Variants in PCNX1 observed in about 807,000 individuals in gnomAD.
PCNX1 encodes the protein pecanex 1, also known as pecanex-like protein 1.
PCNX1 carries 78 observed loss-of-function variants against 242.2 expected under a neutral mutation model. That is an observed-to-expected ratio of 0.32 (90% CI 0.27 to 0.39). The LOEUF (loss-of-function observed/expected upper bound fraction) is 0.39. PCNX1 is among the 10% of genes least tolerant of loss of function. The pLI is 1.00. For missense variants in PCNX1, 2,581 were observed against 2,856.5 expected, an observed-to-expected ratio of 0.90 and a Z score of 2.20; for synonymous variants, 1,024 against 1,032.9, an observed-to-expected ratio of 0.99 and a Z score of 0.17.
chr14:71,054,151 C>T (rs767245592), intron 24 of PCNX1, among the ~76,000 whole-genome samples: 7 of 152,138 alleles, frequency 4.6e-5, no homozygotes, highest in Non-Finnish European at 8.8e-5. Context: ...TTCACTGAAA[C>T]CCAAGAAATG....
At chr14:70,986,888 TTAATA>T (rs1158961041) in intron 6 of PCNX1, among the ~76,000 whole-genome samples, 1 of 152,222 alleles carries the variant, frequency 6.6e-6, no homozygotes, top group Non-Finnish European at 1.5e-5. Flanking sequence ...ATAGAAATCT[TTAATA>T]TAATATTTCA....
chr14:70,908,144 T>A, intron 1 of PCNX1, 141 bp downstream of exon 1: 1 of 723,728 alleles, frequency 1.4e-6, no homozygotes, highest in Non-Finnish European at 2.1e-6. Context: ...CCGCCCCCAC[T>A]GCGTGCTCCC....
intron 1 of PCNX1, among the ~76,000 whole-genome samples, chr14:70,935,765 T>C (rs2056976927): frequency 6.6e-6 from 1 of 152,182 alleles, no homozygotes; most frequent in Non-Finnish European, 1.5e-5. Flanking sequence ...GAAAATGGAA[T>C]TGGCAGTGTG....
chr14:71,021,915 A>C (rs923325868), intron 12 of PCNX1, among the ~76,000 whole-genome samples: 1 of 152,080 alleles, frequency 6.6e-6, no homozygotes, highest in African/African-American at 2.4e-5. Context: ...GTTCCTTTCC[A>C]GTGAAGTCAT....
At chr14:71,020,893 G>C (rs1251972139) in intron 12 of PCNX1, among the ~76,000 whole-genome samples, 1 of 152,094 alleles carries the variant, frequency 6.6e-6, no homozygotes, top group Admixed American at 6.5e-5. Flanking sequence ...TATGGTTTTA[G>C]GTCTTACATT....
chr14:71,088,330 C>T lies in PCNX1; in HGVS notation c.5338C>T (p.Pro1780Ser). 1.3e-6 allele frequency: 2 copies of T among 1,588,168 alleles called. No homozygotes were observed. The highest frequency in any genetic ancestry group is 8.6e-7 in the Non-Finnish European group (1 of 1,159,066). ...ACTAATGTTTTTTGTTTTTTTAAAG[C>T]CTGTGGATGTGGACAAAGATTCATC... ...IEYCSSRRAK[P>S]VDVDKDSSLV... The change falls in exon 29 of 36, where the codon CCT (proline) becomes TCT (serine). Residue 1780 changes from proline to serine, a missense_variant and splice_region_variant. Pro to Ser is a moderately conservative substitution (Grantham distance 74). Transcript: ENST00000304743.
intron 13 of PCNX1, among the ~76,000 whole-genome samples, chr14:71,025,013 A>G (rs2060202750): frequency 6.6e-6 from 1 of 152,086 alleles, no homozygotes; most frequent in Admixed American, 6.6e-5. Context: ...TTCTCCATAA[A>G]TTTCTATCCG....
chr14:71,072,711 A>T (rs2061615387), intron 26 of PCNX1, among the ~76,000 whole-genome samples: 1 of 152,246 alleles, frequency 6.6e-6, no homozygotes, highest in Non-Finnish European at 1.5e-5. Context: ...ACATAATATA[A>T]GGAATTTACA....
At chr14:70,988,499 G>A (rs750674954) in intron 6 of PCNX1, 68 bp from the exon 7 acceptor site, 8 of 1,556,430 alleles carry the variant, frequency 5.1e-6, no homozygotes, top group African/African-American at 1.4e-5. Flanking sequence ...TCAAGGGAAA[G>A]CCAGGCTCAG....
intron 32 of PCNX1, 60 bp downstream of exon 32, chr14:71,103,729 A>C: frequency 3.3e-6 from 5 of 1,515,478 alleles, no homozygotes; most frequent in South Asian, 1.2e-5. Flanking sequence ...TAATCTAGGC[A>C]GTGTGCATCA....
At chr14:71,032,045 A>T in intron 16 of PCNX1, 1 of 765,552 alleles carries the variant, frequency 1.3e-6, no homozygotes, top group Non-Finnish European at 2.3e-6. Flanking sequence ...AAGAGTGGAA[A>T]GATTAATAGA....
intron 13 of PCNX1, 49 bp from the exon 14 acceptor site, chr14:71,026,068 G>C: frequency 7.9e-7 from 1 of 1,262,056 alleles, no homozygotes; most frequent in Non-Finnish European, 1.1e-6. Flanking sequence ...GTAGTTATTT[G>C]TGACTCTTAA....
chr14:70,953,203 C>T (rs148872859), intron 2 of PCNX1, among the ~76,000 whole-genome samples: 2,156 of 152,174 alleles, frequency 0.014, 21 homozygotes, highest in Non-Finnish European at 0.023. Flanking sequence ...CACTTGAGAC[C>T]AGGAGTTCAA....
At chr14:71,106,606 T>C (rs927250260) in intron 33 of PCNX1, among the ~76,000 whole-genome samples, 1 of 152,074 alleles carries the variant, frequency 6.6e-6, no homozygotes, top group Non-Finnish European at 1.5e-5. Context: ...CTTCCCAGCT[T>C]TGAAGATTGT....
At chr14:70,921,878 CCT>C (rs2056390921) in intron 1 of PCNX1, among the ~76,000 whole-genome samples, 1 of 152,094 alleles carries the variant, frequency 6.6e-6, no homozygotes, top group Non-Finnish European at 1.5e-5. Context: ...CACATCACCC[CCT>C]AAATGCTTCA....
chr14:71,027,555 C>A (rs1412793065), intron 15 of PCNX1, among the ~76,000 whole-genome samples: 1 of 151,706 alleles, frequency 6.6e-6, no homozygotes, highest in Non-Finnish European at 1.5e-5. Flanking sequence ...GATGAGTTTG[C>A]AACTAGAGAA....
In PCNX1 at chr14:71,013,656, CAT is replaced by C. The variant is rs199697958; in HGVS notation, c.2996+455_2996+456del. ...AGTAACAGGATTGGATTTATCATCT[CAT>C]GTGAAACAACCAAAAATAGACAAAG... On this transcript the variant is annotated intron_variant, in intron 11 of 35. Transcript: ENST00000304743. Among the ~76,000 whole-genome samples the C allele has an allele frequency of 8.9e-3, 1,352 of 152,182 alleles. 9 individuals carry two copies. Among genetic ancestry groups the C allele is most frequent in the South Asian group, 0.017 (82 of 4,802 alleles).
chr14:70,948,702 TAC>T (rs1016597438), intron 2 of PCNX1, among the ~76,000 whole-genome samples: 8 of 149,952 alleles, frequency 5.3e-5, no homozygotes, highest in East Asian at 3.9e-4. Flanking sequence ...CGTGTATATA[TAC>T]ACACATACAC....
At chr14:70,958,054 T>C (rs1005319491) in intron 2 of PCNX1, among the ~76,000 whole-genome samples, 1 of 152,204 alleles carries the variant, frequency 6.6e-6, no homozygotes, top group African/African-American at 2.4e-5. Flanking sequence ...TACTTAAAGT[T>C]TTTCCAATTT....
Sources: allele counts gnomAD v4.1 joint callset (sites outside exome capture counted in the v4.1 genomes callset), GRCh38; gene constraint gnomAD v4.1.1; transcripts MANE v1.5; gene names NCBI Gene and HGNC (gene_info 2026-07-23, HGNC 2026-07-21).